The following WNT7B variants were observed in gnomAD, a reference collection of about 807,000 sequenced individuals.
The protein encoded by WNT7B is protein Wnt-7b.
A neutral mutation model predicts 38.2 loss-of-function variants in WNT7B; 19 were observed. The ratio of observed to expected loss-of-function variants is 0.50; its 90% CI spans 0.35 to 0.73. WNT7B has a LOEUF of 0.73. WNT7B is among the 30% of genes least tolerant of loss of function. WNT7B has a pLI of 0.01. For synonymous variants in WNT7B, 243 were observed against 209.3 expected (o/e 1.16, Z -1.39); for missense variants, 423 against 507.9 (o/e 0.83, Z 1.61).
rs114397771 is a variant in WNT7B at position 45,936,147 on chromosome 22, C to T, written c.299-4778G>A. On this transcript the variant is annotated intron_variant, in intron 2 of 3. Coordinates refer to ENST00000339464, the MANE Select transcript of WNT7B (RefSeq NM_058238.3). ...AATGGTCCTGAAGGTTCCAGCCCTG[C>T]GGCAGGATTCACTGTTTCCAGTGCA... 1,433 of 985,444 alleles carry T rather than the reference C, an allele frequency of 1.5e-3. 18 individuals are homozygous for T. The African/African-American group carries it at 0.023, about 16-fold the overall frequency. The allele number at this position is 985,444 out of a possible 1,614,324, so 61.0% of individuals were successfully genotyped here.
intron 3 of WNT7B, chr22:45,926,399 G>C (rs745515887): frequency 1.3e-5 from 13 of 985,306 alleles, no homozygotes; most frequent in Non-Finnish European, 1.6e-5. Flanking sequence ...TGGGCAGGGG[G>C]GTGGTGGACT....
At chr22:45,956,135 C>A (rs977247928) in intron 1 of WNT7B, among the ~76,000 whole-genome samples, 1 of 152,168 alleles carries the variant, frequency 6.6e-6, no homozygotes, top group South Asian at 2.1e-4. Flanking sequence ...TAGCCAGGTA[C>A]CAGGCCAGCC....
rs1049188646 is a variant in WNT7B, at chr22:45,920,718, G to GGATGAGGGATGA, written c.*2126_*2137dup. The GGATGAGGGATGA allele has an allele frequency of 7.7e-6, 1 of 130,210 alleles. No homozygotes were observed. Among genetic ancestry groups the GGATGAGGGATGA allele is most frequent in the Non-Finnish European group, 1.7e-5 (1 of 59,716 alleles). 8.1% of individuals were successfully genotyped at this position (130,210 alleles called of 1,614,324 possible). A position where few individuals can be genotyped will look rare whatever the true frequency, so the allele number is the denominator to read the frequency against. On this transcript the variant is annotated 3_prime_UTR_variant, in exon 4 of 4. Coordinates refer to ENST00000339464, the MANE Select transcript of WNT7B (RefSeq NM_058238.3). ...GGGGTCAGGGATGGGATGGGGGATG[G>GGATGAGGGATGA]GATGAGGGATGAGATGAGGGATGGG... is the stretch of plus-strand genomic sequence containing the variant.
At chr22:45,938,387 A>G (rs1814480405) in intron 2 of WNT7B, among the ~76,000 whole-genome samples, 1 of 152,182 alleles carries the variant, frequency 6.6e-6, no homozygotes, top group Admixed American at 6.5e-5. Flanking sequence ...CTGTAATCTC[A>G]GCACTTCGGG....
rs1257014204 is a variant in WNT7B at position 45,976,385 on chromosome 22, G to A, written c.71+299C>T. ...GCGCGTCCCACCCCCGGGGCCTGGA[G>A]CCCAAACAGGTGAAAGTACGCGCCG... On this transcript the variant is annotated intron_variant, in intron 1 of 3. Coordinates refer to ENST00000339464, the MANE Select transcript of WNT7B (RefSeq NM_058238.3). The surrounding 1 kb of genome is among the most constrained non-coding windows in gnomAD (Gnocchi z 8.5). Among the ~76,000 whole-genome samples the A allele has an allele frequency of 6.6e-6, 1 of 151,458 alleles. No homozygotes were observed. The highest frequency in any genetic ancestry group is 1.5e-5 in the Non-Finnish European group (1 of 67,756).
chr22:45,962,921 C>A (rs1483582259), intron 1 of WNT7B, among the ~76,000 whole-genome samples: 1 of 152,234 alleles, frequency 6.6e-6, no homozygotes, highest in African/African-American at 2.4e-5. Flanking sequence ...GGCCCATAGC[C>A]AGAATGGGAG....
chr22:45,927,369 C>T (rs148762170), intron 3 of WNT7B: 29,106 of 1,489,470 alleles, frequency 0.02, 334 homozygotes, highest in Non-Finnish European at 0.023. Flanking sequence ...AGGGCGGGGG[C>T]GGGCCTCCAG....
chr22:45,931,320 C>A lies in WNT7B; in HGVS notation c.348G>T (p.Ala116=), dbSNP rs754224066. The A allele has an allele frequency of 1.9e-6, 3 of 1,596,670 alleles. No homozygotes were observed. In the South Asian group the frequency reaches 3.3e-5, roughly 18 times the overall value. The change falls in exon 3 of 4, where the codon GCG becomes GCT. Residue 116 remains alanine, a synonymous_variant. Coordinates refer to ENST00000339464, the MANE Select transcript of WNT7B (RefSeq NM_058238.3). ...FTYAITAAGV[A]HAVTAACSQG... ...GGCTGCAGGCAGCGGTGACGGCGTG[C>A]GCCACGCCAGCCGCGGTGATGGCGT...
Position 45,948,827 on chromosome 22 carries a change from CTTTTTTTTTTTTT to C in WNT7B, c.298+1080_298+1092del, listed in dbSNP as rs749735538. Among the ~76,000 whole-genome samples the C allele has an allele frequency of 6.0e-3, 545 of 90,174 alleles. 5 individuals carry two copies. Among genetic ancestry groups the C allele is most frequent in the African/African-American group, 0.017 (441 of 25,720 alleles). 59.2% of individuals were successfully genotyped at this position (90,174 alleles called of 152,430 possible). A position where few individuals can be genotyped will look rare whatever the true frequency, so the allele number is the denominator to read the frequency against. On this transcript the variant is annotated intron_variant, in intron 2 of 3. Coordinates refer to ENST00000339464, the MANE Select transcript of WNT7B (RefSeq NM_058238.3). ...AACCCAGGTCAGGCTCCAAAGATCC[CTTTTTTTTTTTTT>C]TTTTTTTTTTTTTTTTTCCCCTGAG...
intron 1 of WNT7B, chr22:45,954,759 G>A (rs2038779175): frequency 2.0e-6 from 2 of 985,424 alleles, no homozygotes; most frequent in African/African-American, 1.7e-5. Context: ...AAGTGGGGGT[G>A]TTTGTGTTCC....
chr22:45,931,070 GCCC>G, intron 3 of WNT7B, 25 bp downstream of exon 3: 1 of 1,541,320 alleles, frequency 6.5e-7, no homozygotes, highest in Non-Finnish European at 8.7e-7. Context: ...CCCAGCTACG[GCCC>G]CCACCAGCCG....
chr22:45,969,302 T>C (rs906395930), intron 1 of WNT7B, among the ~76,000 whole-genome samples: 14 of 152,222 alleles, frequency 9.2e-5, no homozygotes, highest in Admixed American at 8.5e-4. Context: ...GACAGGCTCC[T>C]ACCGGAAGAC....
intron 3 of WNT7B, among the ~76,000 whole-genome samples, chr22:45,928,803 GCCCAGAGACCAACACCA>G (rs1177467207): frequency 1.3e-5 from 2 of 152,184 alleles, no homozygotes. Flanking sequence ...GGCACCTGTA[GCCCAGAGACCAACACCA>G]CCCTACCCGG....
chr22:45,952,169 C>T (rs1422005433), intron 1 of WNT7B, among the ~76,000 whole-genome samples: 2 of 152,224 alleles, frequency 1.3e-5, no homozygotes, highest in Non-Finnish European at 2.9e-5. Flanking sequence ...TGCCCATGGC[C>T]CTGGGCCCCT....
intron 3 of WNT7B, chr22:45,925,912 G>A (rs1413900977): frequency 1.9e-5 from 19 of 985,366 alleles, no homozygotes; most frequent in Non-Finnish European, 2.3e-5. Context: ...CTGCCCTCTA[G>A]TGCTCCTGCT....
At chr22:45,967,697 G>A (rs1004323461) in intron 1 of WNT7B, among the ~76,000 whole-genome samples, 4 of 152,110 alleles carry the variant, frequency 2.6e-5, no homozygotes, top group Admixed American at 6.5e-5. Flanking sequence ...TCAAGCCTCC[G>A]GGGATGTGGT....
At chr22:45,941,496 C>T (rs1271575208) in intron 2 of WNT7B, among the ~76,000 whole-genome samples, 1 of 147,498 alleles carries the variant, frequency 6.8e-6, no homozygotes, top group African/African-American at 2.6e-5. Context: ...GGGTGACACT[C>T]CAGCCTTTGT....
chr22:45,948,576 C>G (rs564515429), intron 2 of WNT7B, among the ~76,000 whole-genome samples: 1 of 152,346 alleles, frequency 6.6e-6, no homozygotes, highest in Admixed American at 6.5e-5. Flanking sequence ...GCAAGCCTGG[C>G]ACTCTGCCAG....
chr22:45,939,278 C>G (rs1292374002), intron 2 of WNT7B, among the ~76,000 whole-genome samples: 2 of 152,194 alleles, frequency 1.3e-5, no homozygotes, highest in African/African-American at 4.8e-5. Context: ...CCCAGCACTG[C>G]CACTCCTATG....
Sources: allele counts gnomAD v4.1 joint callset (sites outside exome capture counted in the v4.1 genomes callset), GRCh38; gene constraint gnomAD v4.1.1; non-coding constraint Gnocchi (gnomAD v3.1); transcripts MANE v1.5; gene names NCBI Gene and HGNC (gene_info 2026-07-23, HGNC 2026-07-21).